Variants in SLC25A4 observed in about 807,000 individuals in gnomAD.
The protein encoded by SLC25A4 is ADP/ATP translocase 1.
SLC25A4 carries 10 observed loss-of-function variants against 24.7 expected under a neutral mutation model. The ratio of observed to expected loss-of-function variants is 0.41; its 90% CI spans 0.25 to 0.69. The LOEUF (loss-of-function observed/expected upper bound fraction) is 0.69, where lower values mean the gene tolerates loss of function less well. SLC25A4 is among the 30% of genes least tolerant of loss of function. SLC25A4 has a pLI of 0.35. For synonymous variants in SLC25A4, 125 were observed against 153.3 expected (o/e 0.82, Z 1.36); for missense variants, 273 against 387.6 (o/e 0.70, Z 2.48).
At position 185,149,688 on chromosome 4, in the gene SLC25A4, C is replaced by A. The variant is rs900474000; in HGVS notation, c.*2717C>A. On this transcript the variant is annotated 3_prime_UTR_variant, in exon 4 of 4. Coordinates refer to ENST00000281456, the MANE Select transcript of SLC25A4 (RefSeq NM_001151.4). Reference sequence around the variant, plus strand: ...ACAAGTTGGAATTGAGCGTCCGACTCTCGGGTACCTGCCCCAGGCATTTCT... The same window carrying A: ...ACAAGTTGGAATTGAGCGTCCGACTATCGGGTACCTGCCCCAGGCATTTCT... 1 of 152,260 alleles carries A rather than the reference C, an allele frequency of 6.6e-6. No homozygotes were observed. Among genetic ancestry groups the A allele is most frequent in the South Asian group, 2.1e-4 (1 of 4,820 alleles). 9.4% of individuals were successfully genotyped at this position (152,260 alleles called of 1,614,324 possible).
rs1734517651 is a variant in SLC25A4 at position 185,150,297 on chromosome 4, T to C, written c.*3326T>C. The stretch of plus-strand genomic sequence containing the variant: ...CACCATGGGGGTGGCTGGACAGGCT[T>C]GTTGGAGTCGTATAATGCAATGAAT... On this transcript the variant is annotated 3_prime_UTR_variant, in exon 4 of 4. Transcript: ENST00000281456. 6.6e-6 allele frequency: 1 copy of C among 152,254 alleles called. No individual in the cohort carries two copies. The highest frequency in any genetic ancestry group is 2.1e-4 in the South Asian group (1 of 4,834). The allele number at this position is 152,254 out of a possible 1,614,324, so 9.4% of individuals were successfully genotyped here.
chr4:185,145,160 C>T lies in SLC25A4; in HGVS notation c.508C>T (p.Leu170=). The change falls in exon 2 of 4, where the codon CTG becomes TTG. Residue 170 remains leucine, a synonymous_variant. Coordinates refer to ENST00000281456, the MANE Select transcript of SLC25A4 (RefSeq NM_001151.4). This position sits in a 1 kb window ranked among gnomAD's most constrained non-coding sequence, Gnocchi z 5.5. ...CIIKIFKSDG[L]RGLYQGFNVS... is the part of the protein sequence containing the mutation. Reference sequence around the variant, plus strand: ...CATCAAGATCTTCAAGTCTGATGGCCTGAGGGGGCTCTACCAGGGTTTCAA... The same window carrying T: ...CATCAAGATCTTCAAGTCTGATGGCTTGAGGGGGCTCTACCAGGGTTTCAA... 6.2e-7 allele frequency: 1 copy of T among 1,613,788 alleles called. No homozygotes were observed. Among genetic ancestry groups the T allele is most frequent in the Non-Finnish European group, 8.5e-7 (1 of 1,179,748 alleles).
chr4:185,145,115 C>G lies in SLC25A4; in HGVS notation c.463C>G (p.His155Asp). Residue 155 changes from histidine to aspartate, a missense_variant, in exon 2 of 4, where the codon CAT becomes GAT. Coordinates refer to ENST00000281456, the MANE Select transcript of SLC25A4 (RefSeq NM_001151.4). This position sits in a 1 kb window ranked among gnomAD's most constrained non-coding sequence, Gnocchi z 5.5. ...CAAGGGCGCCGCCCAGCGTGAGTTC[C>G]ATGGTCTGGGCGACTGTATCATCAA... ...VGKGAAQREF[H>D]GLGDCIIKIF... 1 of 1,612,788 alleles carries G rather than the reference C, an allele frequency of 6.2e-7. No individual in the cohort carries two copies. The highest frequency in any genetic ancestry group is 8.5e-7 in the Non-Finnish European group (1 of 1,178,986).
chr4:185,145,614 G>A lies in SLC25A4; in HGVS notation c.599-145G>A. On this transcript the variant is annotated intron_variant, in intron 2 of 3. Coordinates refer to ENST00000281456, the MANE Select transcript of SLC25A4 (RefSeq NM_001151.4). This position sits in a 1 kb window ranked among gnomAD's most constrained non-coding sequence, Gnocchi z 5.5. ...AGCAGCCACCTTTGCTGTCTGCCTG[G>A]TCATATGTGAAGCACCTGCACAGGG... 1.0e-6 allele frequency: 1 copy of A among 989,898 alleles called. No homozygotes were observed. The highest frequency in any genetic ancestry group is 1.5e-6 in the Non-Finnish European group (1 of 664,778). 61.3% of individuals were successfully genotyped at this position (989,898 alleles called of 1,614,324 possible).
At position 185,145,005 on chromosome 4, in the gene SLC25A4, C is replaced by A. The variant is rs781329565; in HGVS notation, c.353C>A (p.Ala118Glu). Residue 118 changes from alanine (A) to glutamate (E), a missense_variant, in exon 2 of 4, where the codon GCG becomes GAG. Coordinates refer to ENST00000281456, the MANE Select transcript of SLC25A4 (RefSeq NM_001151.4). This position sits in a 1 kb window ranked among gnomAD's most constrained non-coding sequence, Gnocchi z 5.5. ...TGGCGCTACTTTGCTGGTAACCTGG[C>A]GTCCGGTGGGGCCGCTGGGGCCACC... ...QFWRYFAGNL[A>E]SGGAAGATSL... 6.2e-7 allele frequency: 1 copy of A among 1,614,152 alleles called. No individual in the cohort carries two copies. Among genetic ancestry groups the A allele is most frequent in the East Asian group, 2.2e-5 (1 of 44,876 alleles).
chr4:185,146,719 T>G, intron 3 of SLC25A4, 95 bp from the exon 4 acceptor site: 1 of 1,464,128 alleles, frequency 6.8e-7, no homozygotes, highest in South Asian at 1.2e-5. Flanking sequence ...GACCCTGATT[T>G]TATAAAACTG....
Position 185,144,932 on chromosome 4 carries a change from A to G in SLC25A4, c.280A>G (p.Lys94Glu). ...TQALNFAFKD[K>E]YKQLFLGGVD... ...AGCTCTCAACTTCGCCTTCAAGGACAAGTACAAGCAGCTCTTCTTAGGGGG... is the reference window on the plus strand; with the variant it reads ...AGCTCTCAACTTCGCCTTCAAGGACGAGTACAAGCAGCTCTTCTTAGGGGG... The change falls in exon 2 of 4, where the codon AAG becomes GAG. Residue 94 changes from lysine (K) to glutamate (E), a missense_variant. Physicochemically the swap from Lys to Glu is moderately conservative, Grantham distance 56 (BLOSUM62 1). Transcript: ENST00000281456. 1.2e-6 allele frequency: 2 copies of G among 1,614,188 alleles called. No homozygotes were observed. The highest frequency in any genetic ancestry group is 2.2e-5 in the South Asian group (2 of 91,086).
rs1363354671 is a variant in SLC25A4 at position 185,145,896 on chromosome 4, G to C, written c.736G>C (p.Gly246Arg). Residue 246 changes from glycine (G) to arginine (R), a missense_variant, in exon 3 of 4, where the codon GGG becomes CGG. By Grantham distance (125) the Gly-to-Arg change is moderately radical. Transcript: ENST00000281456. The surrounding 1 kb of genome is among the most constrained non-coding windows in gnomAD (Gnocchi z 5.5). ...AATGATGATGCAGTCCGGCCGGAAA[G>C]GGGGTAAGCTTGTGCTCTACTCATC... is the stretch of plus-strand genomic sequence containing the variant. ...RRMMMQSGRK[G>R]ADIMYTGTVD... 6.2e-7 allele frequency: 1 copy of C among 1,614,172 alleles called. No individual in the cohort carries two copies. The highest frequency in any genetic ancestry group is 1.1e-5 in the South Asian group (1 of 91,064).
chr4:185,145,672 G>A lies in SLC25A4; in HGVS notation c.599-87G>A. On this transcript the variant is annotated intron_variant, in intron 2 of 3. Transcript: ENST00000281456. This position sits in a 1 kb window ranked among gnomAD's most constrained non-coding sequence, Gnocchi z 5.5. ...CCCCGCAAGGTCAGAGCATGGAGCT[G>A]GAGGTGCAGTGGCCTCTCTCCCTCC... 6.6e-7 allele frequency: 1 copy of A among 1,523,834 alleles called. No homozygotes were observed. The highest frequency in any genetic ancestry group is 9.0e-7 in the Non-Finnish European group (1 of 1,105,352). 94.4% of individuals were successfully genotyped at this position (1,523,834 alleles called of 1,614,324 possible). A position where few individuals can be genotyped will look rare whatever the true frequency, so the allele number is the denominator to read the frequency against.
At chr4:185,146,711 C>A in intron 3 of SLC25A4, 103 bp from the exon 4 acceptor site, 1 of 1,376,260 alleles carries the variant, frequency 7.3e-7, no homozygotes, top group Non-Finnish European at 1.0e-6. Flanking sequence ...GCCCAGATGA[C>A]CCTGATTTTA....
chr4:185,145,962 G>A lies in SLC25A4; in HGVS notation c.739+63G>A. Reference sequence around the variant, plus strand: ...TTGCCCGAGGAGAACATTTTACAGGGCTCCTTTCAGTCTTCCTTACTGGAA... The same window carrying A: ...TTGCCCGAGGAGAACATTTTACAGGACTCCTTTCAGTCTTCCTTACTGGAA... On this transcript the variant is annotated intron_variant, in intron 3 of 3. Coordinates refer to ENST00000281456, the MANE Select transcript of SLC25A4 (RefSeq NM_001151.4). This position sits in a 1 kb window ranked among gnomAD's most constrained non-coding sequence, Gnocchi z 5.5. 2.5e-6 allele frequency: 4 copies of A among 1,572,422 alleles called. No homozygotes were observed. The highest frequency in any genetic ancestry group is 1.1e-5 in the South Asian group (1 of 88,622).
At position 185,144,750 on chromosome 4, in the gene SLC25A4, C is replaced by T. The variant is rs776046219; in HGVS notation, c.112-14C>T. The T allele has an allele frequency of 3.1e-6, 5 of 1,613,472 alleles. No homozygotes were observed. Among genetic ancestry groups the T allele is most frequent in the Admixed American group, 1.7e-5 (1 of 59,994 alleles). On this transcript the variant is annotated splice_polypyrimidine_tract_variant and intron_variant, in intron 1 of 3. Transcript: ENST00000281456. The stretch of plus-strand genomic sequence containing the variant: ...CCCTGCCTGTCCTCTGTCACCCACC[C>T]TCCCCTCCACCAGGTCCAGCATGCC...
At chr4:185,144,686 A>C in intron 1 of SLC25A4, 78 bp from the exon 2 acceptor site, 3 of 1,441,394 alleles carry the variant, frequency 2.1e-6, no homozygotes, top group African/African-American at 1.4e-5. Context: ...TAGGAAGTGC[A>C]AACCTTTTTT....
intron 1 of SLC25A4, 68 bp downstream of exon 1, chr4:185,143,551 C>T: frequency 1.8e-6 from 1 of 566,174 alleles, no homozygotes. Flanking sequence ...CGATGCGGCG[C>T]GAGCTGCAGG....
At chr4:185,144,176 C>A (rs141351955) in intron 1 of SLC25A4, among the ~76,000 whole-genome samples, 1 of 152,254 alleles carries the variant, frequency 6.6e-6, no homozygotes, top group East Asian at 1.9e-4. Context: ...GAATTACTAA[C>A]AACAAAACCC....
chr4:185,145,341 CTTG>C lies in SLC25A4; in HGVS notation c.598+94_598+96del. ...CACAAAGGACCTGATATATATTGAT[CTTG>C]TTTTTTCTAGTCTCTGGGATAATTG... On this transcript the variant is annotated intron_variant, in intron 2 of 3. Transcript: ENST00000281456. This position sits in a 1 kb window ranked among gnomAD's most constrained non-coding sequence, Gnocchi z 5.5. 6.3e-7 allele frequency: 1 copy of C among 1,583,118 alleles called. No homozygotes were observed. The highest frequency in any genetic ancestry group is 1.1e-5 in the South Asian group (1 of 89,290).
At chr4:185,143,530 G>A (rs1169726406) in intron 1 of SLC25A4, 47 bp downstream of exon 1, 2 of 853,216 alleles carry the variant, frequency 2.3e-6, no homozygotes, top group Non-Finnish European at 3.0e-6. Flanking sequence ...CGGCGGGCCG[G>A]GCGGGGCGCG....
At chr4:185,146,416 G>A (rs1459723723) in intron 3 of SLC25A4, among the ~76,000 whole-genome samples, 8 of 152,192 alleles carry the variant, frequency 5.3e-5, no homozygotes, top group African/African-American at 1.4e-4. Context: ...ATGTTTCAAC[G>A]AATAGTTACA....
Position 185,143,444 on chromosome 4 carries a change from C to T in SLC25A4, c.72C>T (p.Thr24=), listed in dbSNP as rs910320605. 3 of 1,510,864 alleles carry T rather than the reference C, an allele frequency of 2.0e-6. No homozygotes were observed. The highest frequency in any genetic ancestry group is 2.7e-6 in the Non-Finnish European group (3 of 1,126,154). 93.6% of individuals were successfully genotyped at this position (1,510,864 alleles called of 1,614,324 possible). A position where few individuals can be genotyped will look rare whatever the true frequency, so the allele number is the denominator to read the frequency against. The change falls in exon 1 of 4, where the codon ACC becomes ACT. Residue 24 remains threonine, a synonymous_variant. Coordinates refer to ENST00000281456, the MANE Select transcript of SLC25A4 (RefSeq NM_001151.4). ...AGGVAAAVSK[T]AVAPIERVKL... ...GCGTCGCCGCTGCCGTCTCCAAGACCGCGGTCGCCCCCATCGAGAGGGTCA... is the reference window on the plus strand; with the variant it reads ...GCGTCGCCGCTGCCGTCTCCAAGACTGCGGTCGCCCCCATCGAGAGGGTCA...
Sources: gnomAD v4.1 joint callset for allele counts (sites outside exome capture counted in the v4.1 genomes callset) on GRCh38, gnomAD v4.1.1 for gene constraint, Gnocchi (gnomAD v3.1) non-coding constraint, MANE v1.5 for transcripts, NCBI Gene and HGNC (gene_info 2026-07-23, HGNC 2026-07-21) for gene names.